The following SLC22A15 variants were observed in gnomAD, a reference collection of about 807,000 sequenced individuals.
The protein encoded by SLC22A15 is flipt 1.
Under a neutral mutation model 62.7 loss-of-function variants are expected in SLC22A15, and 45 were observed. That is an observed-to-expected ratio of 0.72 (90% CI 0.56 to 0.92). The LOEUF (loss-of-function observed/expected upper bound fraction) is 0.92. Ranked by LOEUF, SLC22A15 falls within the 40% of genes least tolerant of loss-of-function variation. The pLI, the probability that SLC22A15 is intolerant of heterozygous loss-of-function variation, is 0.00. For synonymous variants in SLC22A15, 264 were observed against 267.0 expected (o/e 0.99, Z 0.11); for missense variants, 622 against 665.6 (o/e 0.93, Z 0.72).
At chr1:116,019,558 C>G (rs376462625) in intron 2 of SLC22A15, 24 bp from the exon 3 acceptor site, 5 of 1,575,960 alleles carry the variant, frequency 3.2e-6, no homozygotes, top group African/African-American at 1.4e-5. Context: ...CTACATGTCT[C>G]TCTTTTGTTT....
At chr1:116,066,746 G>A (rs1342997769) in intron 11 of SLC22A15, 38 bp downstream of exon 11, 3 of 1,543,076 alleles carry the variant, frequency 1.9e-6, no homozygotes, top group Non-Finnish European at 2.6e-6. Context: ...CGCTTGGATA[G>A]TGGCAGTTAA....
chr1:116,005,557 G>A (rs1655933275), intron 2 of SLC22A15, among the ~76,000 whole-genome samples: 1 of 152,166 alleles, frequency 6.6e-6, no homozygotes, highest in Non-Finnish European at 1.5e-5. Context: ...ATAAAAAACT[G>A]TCTTGCAGGC....
intron 8 of SLC22A15, among the ~76,000 whole-genome samples, chr1:116,051,468 A>T (rs913949235): frequency 2.6e-5 from 4 of 152,208 alleles, no homozygotes; most frequent in Non-Finnish European, 5.9e-5. Context: ...TGGGGAAAGG[A>T]CACCCTTTTC....
chr1:116,066,423 G>T, intron 10 of SLC22A15, 97 bp from the exon 11 acceptor site: 1 of 1,129,070 alleles, frequency 8.9e-7, no homozygotes, highest in South Asian at 1.6e-5. Context: ...GAACTAGGTG[G>T]TAAACATGAC....
chr1:116,035,168 C>A lies in SLC22A15; in HGVS notation c.945-19C>A. The A allele has an allele frequency of 6.2e-7, 1 of 1,606,106 alleles. No individual in the cohort carries two copies. Among genetic ancestry groups the A allele is most frequent in the Non-Finnish European group, 8.5e-7 (1 of 1,176,116 alleles). ...CCTTCTTGTCTTTTACCTCCTGGTC[C>A]TTTGACTCCCAATTGCAGGTTTGTG... On this transcript the variant is annotated intron_variant, in intron 6 of 11. Transcript: ENST00000369503.
chr1:115,987,799 C>T (rs957839640), intron 1 of SLC22A15, among the ~76,000 whole-genome samples: 39 of 152,140 alleles, frequency 2.6e-4, no homozygotes, highest in Admixed American at 2.5e-3. Flanking sequence ...AAGTGGTTCT[C>T]GTTCTCATCC....
intron 8 of SLC22A15, among the ~76,000 whole-genome samples, chr1:116,046,142 T>C (rs937534199): frequency 6.6e-6 from 1 of 152,198 alleles, no homozygotes. Flanking sequence ...AAAACTGTGT[T>C]GTACAACTAC....
In SLC22A15 at chr1:116,040,345, A is replaced by G. The variant is rs533469898; in HGVS notation, c.1171+2957A>G. Among the ~76,000 whole-genome samples, 8 of 152,356 alleles carry G rather than the reference A, an allele frequency of 5.3e-5. No homozygotes were observed. The South Asian group carries it at 1.7e-3, about 32-fold the overall frequency. On this transcript the variant is annotated intron_variant, in intron 8 of 11. Coordinates refer to ENST00000369503, the MANE Select transcript of SLC22A15 (RefSeq NM_018420.3). The stretch of plus-strand genomic sequence containing the variant: ...TCCCAGATTAGTAATCAGACATTTT[A>G]CCTGAACTCTGTGCTTGCCTGGAGG...
chr1:116,054,192 A>G (rs943685451), intron 8 of SLC22A15, among the ~76,000 whole-genome samples: 1 of 152,174 alleles, frequency 6.6e-6, no homozygotes, highest in Non-Finnish European at 1.5e-5. Context: ...TAGGCTCAAA[A>G]TAAAAGGATG....
chr1:116,005,414 A>G lies in SLC22A15; in HGVS notation c.300+13171A>G, dbSNP rs114161387. Among the ~76,000 whole-genome samples the G allele has an allele frequency of 3.8e-3, 552 of 146,612 alleles. 27 individuals carry two copies. Among genetic ancestry groups the G allele is most frequent in the African/African-American group, 0.015 (536 of 36,104 alleles). Reference sequence around the variant, plus strand: ...GGATTGATCTCCATAGGATTTTGAAATGGGTGAGAACTATAGGTCTGCTCT... The same window carrying G: ...GGATTGATCTCCATAGGATTTTGAAGTGGGTGAGAACTATAGGTCTGCTCT... On this transcript the variant is annotated intron_variant, in intron 2 of 11. Coordinates refer to ENST00000369503, the MANE Select transcript of SLC22A15 (RefSeq NM_018420.3).
chr1:116,057,624 A>C (rs1158986942), intron 8 of SLC22A15, among the ~76,000 whole-genome samples: 1 of 152,236 alleles, frequency 6.6e-6, no homozygotes, highest in Non-Finnish European at 1.5e-5. Flanking sequence ...TTATTGCGGC[A>C]CTATTCACAA....
intron 2 of SLC22A15, among the ~76,000 whole-genome samples, chr1:116,012,741 C>T (rs2101231700): frequency 1.3e-5 from 2 of 152,282 alleles, no homozygotes; most frequent in East Asian, 3.9e-4. Flanking sequence ...TGGTCCTCAA[C>T]TTAGGATGGC....
chr1:115,984,957 C>T (rs1654786692), intron 1 of SLC22A15, among the ~76,000 whole-genome samples: 1 of 152,002 alleles, frequency 6.6e-6, no homozygotes, highest in Non-Finnish European at 1.5e-5. Context: ...ACAAAAGAGT[C>T]AAAGAGTTAA....
At chr1:116,053,594 C>T (rs985050713) in intron 8 of SLC22A15, among the ~76,000 whole-genome samples, 3 of 151,962 alleles carry the variant, frequency 2.0e-5, no homozygotes, top group Admixed American at 1.3e-4. Context: ...CTCCAAGACA[C>T]GTAATTGTCA....
chr1:116,010,553 AT>A (rs1656199295), intron 2 of SLC22A15, among the ~76,000 whole-genome samples: 1 of 152,194 alleles, frequency 6.6e-6, no homozygotes, highest in East Asian at 1.9e-4. Flanking sequence ...TGTTCCTGAA[AT>A]ACCCTGTCCA....
intron 2 of SLC22A15, among the ~76,000 whole-genome samples, chr1:116,010,671 G>T (rs533146270): frequency 2.6e-5 from 4 of 152,288 alleles, no homozygotes; most frequent in Admixed American, 6.5e-5. Flanking sequence ...GGCCAGGGGA[G>T]GGCTGAAGTT....
At chr1:116,019,799 T>G (rs1050851418) in intron 3 of SLC22A15, 85 bp downstream of exon 3, 5 of 1,415,096 alleles carry the variant, frequency 3.5e-6, no homozygotes, top group Non-Finnish European at 4.8e-6. Context: ...ACTATTTCCT[T>G]AAGGTTCTCC....
chr1:115,976,850 G>A (rs1477348668), intron 1 of SLC22A15, 136 bp downstream of exon 1: 1 of 646,400 alleles, frequency 1.5e-6, no homozygotes, highest in Non-Finnish European at 2.5e-6. Flanking sequence ...CGAGCGTCGG[G>A]GTGGGGCAGG....
chr1:116,018,451 G>A (rs1035394148), intron 2 of SLC22A15, among the ~76,000 whole-genome samples: 14 of 151,870 alleles, frequency 9.2e-5, no homozygotes, highest in African/African-American at 1.7e-4. Flanking sequence ...TGCAAGCTCC[G>A]CCTCCCGGGT....
Sources: gnomAD v4.1 joint callset for allele counts (sites outside exome capture counted in the v4.1 genomes callset) on GRCh38, gnomAD v4.1.1 for gene constraint, MANE v1.5 for transcripts, NCBI Gene and HGNC (gene_info 2026-07-23, HGNC 2026-07-21) for gene names.